Variants in NRG1 observed in about 807,000 individuals in gnomAD.
NRG1 encodes the protein neuregulin 1, also known as pro-neuregulin-1, membrane-bound isoform.
In NRG1, 18 loss-of-function variants were observed where a neutral mutation model predicts 63.8. The ratio of observed to expected loss-of-function variants is 0.28; its 90% confidence interval spans 0.19 to 0.42. The LOEUF (loss-of-function observed/expected upper bound fraction) is 0.42. Ranked by LOEUF, NRG1 falls within the 10% of genes least tolerant of loss-of-function variation. NRG1 has a pLI of 1.00. For missense variants in NRG1, 762 were observed against 814.7 expected (o/e 0.94, Z 0.79); for synonymous variants, 302 against 301.3 (o/e 1.00, Z -0.02).
intron 1 of NRG1, among the ~76,000 whole-genome samples, chr8:31,733,392 A>C (rs1037761471): frequency 1.3e-5 from 2 of 152,146 alleles, no homozygotes; most frequent in African/African-American, 4.8e-5. Flanking sequence ...AATCTTTACA[A>C]AATCCTGCCA....
intron 1 of NRG1, among the ~76,000 whole-genome samples, chr8:31,800,431 G>GT (rs1260808136): frequency 3.3e-5 from 5 of 152,286 alleles, no homozygotes; most frequent in African/African-American, 1.2e-4. Flanking sequence ...ACGTGCTTGA[G>GT]TGTTTTTAAA....
intron 3 of NRG1, among the ~76,000 whole-genome samples, chr8:32,612,068 C>T (rs1323981548): frequency 6.6e-6 from 1 of 152,010 alleles, no homozygotes; most frequent in Non-Finnish European, 1.5e-5. Context: ...AGTTGCTCAG[C>T]TGTGTTCAGT....
chr8:31,885,555 A>G (rs1176867984), intron 1 of NRG1, among the ~76,000 whole-genome samples: 1 of 152,134 alleles, frequency 6.6e-6, no homozygotes, highest in Admixed American at 6.6e-5. Context: ...ATGAGAGAAG[A>G]TGATACCCAT....
intron 5 of NRG1, among the ~76,000 whole-genome samples, chr8:32,706,445 A>G (rs971519264): frequency 6.6e-6 from 1 of 152,162 alleles, no homozygotes; most frequent in Non-Finnish European, 1.5e-5. Context: ...GACCAAGTCA[A>G]ATGGACTAGT....
At chr8:32,262,850 G>A (rs1850533324) in intron 1 of NRG1, among the ~76,000 whole-genome samples, 1 of 152,072 alleles carries the variant, frequency 6.6e-6, no homozygotes, top group African/African-American at 2.4e-5. Flanking sequence ...TAAATAATAG[G>A]TTGGTCAAAT....
Position 32,155,763 on chromosome 8 carries a change from A to G in NRG1, c.38-440065A>G, listed in dbSNP as rs573430775. On this transcript the variant is annotated intron_variant, in intron 1 of 10. Transcript: ENST00000519301. ...ATCTGATCGTATTCTAATATCTCCT[A>G]TCTCAATGCCTAGTTCTTCACCCAT... is the stretch of plus-strand genomic sequence containing the variant. Among the ~76,000 whole-genome samples, 5 of 152,234 alleles carry G rather than the reference A, an allele frequency of 3.3e-5. No individual in the cohort carries two copies. The South Asian group carries it at 1.0e-3, about 32-fold the overall frequency.
chr8:32,008,458 TC>T (rs1034920883), intron 1 of NRG1, among the ~76,000 whole-genome samples: 1 of 152,054 alleles, frequency 6.6e-6, no homozygotes, highest in African/African-American at 2.4e-5. Flanking sequence ...GGAAATCAAT[TC>T]ATTGTAAGCT....
chr8:32,690,818 A>G (rs1811396632), intron 5 of NRG1, among the ~76,000 whole-genome samples: 1 of 152,104 alleles, frequency 6.6e-6, no homozygotes, highest in African/African-American at 2.4e-5. Flanking sequence ...AAAGGAAAGA[A>G]TTAGAAATTT....
intron 1 of NRG1, chr8:32,030,355 T>C (rs1160067848): frequency 6.6e-6 from 1 of 152,198 alleles, no homozygotes; most frequent in Non-Finnish European, 1.5e-5. Context: ...TATAGGAATA[T>C]GGCTATTCTG....
chr8:32,644,987 G>A (rs1853206522), intron 5 of NRG1, among the ~76,000 whole-genome samples: 1 of 152,006 alleles, frequency 6.6e-6, no homozygotes, highest in Non-Finnish European at 1.5e-5. Flanking sequence ...GCTGACCTTG[G>A]CCTTGGATGA....
At chr8:31,795,900 T>C (rs1821156333) in intron 1 of NRG1, among the ~76,000 whole-genome samples, 1 of 152,220 alleles carries the variant, frequency 6.6e-6, no homozygotes, top group African/African-American at 2.4e-5. Flanking sequence ...ACTTGGTTTC[T>C]GGCCCAAAGA....
chr8:32,606,928 T>C (rs1845374947), intron 3 of NRG1, among the ~76,000 whole-genome samples: 2 of 152,174 alleles, frequency 1.3e-5, no homozygotes, highest in South Asian at 2.1e-4. Flanking sequence ...AGAAGGGAGA[T>C]AAAAATCAGA....
At chr8:31,949,361 C>T (rs889716143) in intron 1 of NRG1, among the ~76,000 whole-genome samples, 4 of 152,176 alleles carry the variant, frequency 2.6e-5, no homozygotes, top group African/African-American at 4.8e-5. Context: ...ACTTGTCTGC[C>T]TTTATCATCT....
intron 1 of NRG1, among the ~76,000 whole-genome samples, chr8:32,412,420 C>CATATATATATATATATATATATATA (rs1815116027): frequency 4.8e-5 from 2 of 41,814 alleles, no homozygotes; most frequent in East Asian, 6.6e-4. Flanking sequence ...CTCTCTCTCT[C>CATATATATATATATATATATATATA]TACATATATA....
intron 1 of NRG1, among the ~76,000 whole-genome samples, chr8:32,468,480 T>C (rs543315235): frequency 1.1e-4 from 17 of 152,292 alleles, no homozygotes; most frequent in African/African-American, 3.6e-4. Flanking sequence ...CCAAAATCAC[T>C]CACCTCTACA....
intron 1 of NRG1, among the ~76,000 whole-genome samples, chr8:32,154,899 G>T (rs560832223): frequency 2.5e-4 from 38 of 152,294 alleles, no homozygotes; most frequent in Non-Finnish European, 1.9e-4. Context: ...ATTTCACAGA[G>T]CAAGAACATA....
At chr8:32,404,191 T>C (rs1813626366) in intron 1 of NRG1, among the ~76,000 whole-genome samples, 1 of 152,156 alleles carries the variant, frequency 6.6e-6, no homozygotes, top group African/African-American at 2.4e-5. Context: ...GACATGCCTC[T>C]GAAAATGATC....
intron 1 of NRG1, among the ~76,000 whole-genome samples, chr8:31,779,283 C>T (rs1819449452): frequency 6.6e-6 from 1 of 152,070 alleles, no homozygotes; most frequent in South Asian, 2.1e-4. Context: ...GGAGGGCTTG[C>T]TCAATAAACA....
intron 1 of NRG1, among the ~76,000 whole-genome samples, chr8:32,227,562 T>A (rs1392561390): frequency 6.6e-6 from 1 of 152,192 alleles, no homozygotes; most frequent in Non-Finnish European, 1.5e-5. Context: ...CCGCAGTGAA[T>A]GAAATCAAGC....
Sources: allele counts gnomAD v4.1 joint callset (sites outside exome capture counted in the v4.1 genomes callset), GRCh38; gene constraint gnomAD v4.1.1; transcripts MANE v1.5; gene names NCBI Gene and HGNC (gene_info 2026-07-23, HGNC 2026-07-21).